The following DYNC2H1 variants were observed in gnomAD, a reference collection of about 807,000 sequenced individuals.
DYNC2H1 encodes the protein cytoplasmic dynein 2 heavy chain 1.
In DYNC2H1, 410 loss-of-function variants were observed where a neutral mutation model predicts 570.0. The ratio of observed to expected loss-of-function variants is 0.72; its 90% CI spans 0.66 to 0.78. DYNC2H1 has a LOEUF of 0.78. Ranked by LOEUF, DYNC2H1 falls within the 30% of genes least tolerant of loss-of-function variation. The probability of loss-of-function intolerance (pLI) is 0.00; values close to 1 mark genes in which losing one functional copy is unlikely to be tolerated. For synonymous variants in DYNC2H1, 1,688 were observed against 1,677.6 expected (o/e 1.01, Z -0.15); for missense variants, 4,865 against 5,046.4 (o/e 0.96, Z 1.09).
rs1285134973 is a variant in DYNC2H1, at chr11:103,363,729, C to T, written c.12156+5370C>T. Among the ~76,000 whole-genome samples, 2 of 152,176 alleles carry T rather than the reference C, an allele frequency of 1.3e-5. No individual in the cohort carries two copies. The highest frequency in any genetic ancestry group is 4.8e-5 in the African/African-American group (2 of 41,452). On this transcript the variant is annotated intron_variant, in intron 83 of 88. Transcript: ENST00000375735. The surrounding 1 kb of genome is among the most constrained non-coding windows in gnomAD (Gnocchi z 5.6). ...GAAAATATAAATTAAGTCTACATTA[C>T]TGATTGTGACTAATAATTTAAGGCA...
At position 103,446,459 on chromosome 11, in the gene DYNC2H1, T is replaced by C. The variant is rs1411537150; in HGVS notation, c.12457-8727T>C. Among the ~76,000 whole-genome samples the C allele has an allele frequency of 1.3e-5, 2 of 152,224 alleles. No individual in the cohort carries two copies. The highest frequency in any genetic ancestry group is 2.9e-5 in the Non-Finnish European group (2 of 68,046). On this transcript the variant is annotated intron_variant, in intron 85 of 88. Coordinates refer to ENST00000375735, the MANE Select transcript of DYNC2H1 (RefSeq NM_001377.3). This position sits in a 1 kb window ranked among gnomAD's most constrained non-coding sequence, Gnocchi z 4.5. ...TGTAAGTGAGGTTAGAGAAAAATCATGTTTGGCAACATGGAAGACGTTGGT... is the reference window on the plus strand; with the variant it reads ...TGTAAGTGAGGTTAGAGAAAAATCACGTTTGGCAACATGGAAGACGTTGGT...
chr11:103,213,636 AAAATC>A (rs1863249530), intron 54 of DYNC2H1, among the ~76,000 whole-genome samples: 3 of 152,116 alleles, frequency 2.0e-5, no homozygotes, highest in Admixed American at 2.0e-4. Context: ...TTAAAAAAAA[AAAATC>A]TATTCAGATC....
chr11:103,272,331 C>A (rs1286348371), intron 70 of DYNC2H1, among the ~76,000 whole-genome samples: 3 of 152,078 alleles, frequency 2.0e-5, no homozygotes, highest in Non-Finnish European at 2.9e-5. Context: ...GGACAAAAAA[C>A]CAAACACTGC....
chr11:103,125,942 T>C (rs1269831552), intron 12 of DYNC2H1, among the ~76,000 whole-genome samples: 1 of 152,242 alleles, frequency 6.6e-6, no homozygotes, highest in East Asian at 1.9e-4. Flanking sequence ...TTGTTTAATT[T>C]CCAATTCACA....
At chr11:103,428,205 A>G (rs1450393725) in intron 84 of DYNC2H1, among the ~76,000 whole-genome samples, 2 of 117,814 alleles carry the variant, frequency 1.7e-5, no homozygotes, top group Non-Finnish European at 3.6e-5. Context: ...TTTTTTCAGA[A>G]TATCTGAAAG....
rs1859420966 is a variant in DYNC2H1 at position 103,134,219 on chromosome 11, A to AC, written c.2107-101dup. On this transcript the variant is annotated intron_variant, in intron 14 of 88. Coordinates refer to ENST00000375735, the MANE Select transcript of DYNC2H1 (RefSeq NM_001377.3). Reference sequence around the variant, plus strand: ...ATATGTCTTGTATAGATTAAGTTAAACTTGATCACTTGGTTAAGGTGGTAT... The same window carrying AC: ...ATATGTCTTGTATAGATTAAGTTAAACCTTGATCACTTGGTTAAGGTGGTAT... 3 of 964,770 alleles carry AC rather than the reference A, an allele frequency of 3.1e-6. No individual in the cohort carries two copies. The East Asian group carries it at 7.5e-5, about 24-fold the overall frequency. 59.8% of individuals were successfully genotyped at this position (964,770 alleles called of 1,614,324 possible).
intron 85 of DYNC2H1, among the ~76,000 whole-genome samples, chr11:103,452,984 T>G (rs1220355389): frequency 6.6e-6 from 1 of 152,052 alleles, no homozygotes; most frequent in Non-Finnish European, 1.5e-5. Flanking sequence ...GTTTAGAAGT[T>G]TTACTGCCTG....
At chr11:103,399,923 C>A in intron 84 of DYNC2H1, 51 bp downstream of exon 84, 2 of 1,429,274 alleles carry the variant, frequency 1.4e-6, no homozygotes, top group Non-Finnish European at 2.0e-6. Flanking sequence ...ATAAGTGACT[C>A]CTCCATCACA....
rs1002798212 is a variant in DYNC2H1 at position 103,189,414 on chromosome 11, A to G, written c.7293-258A>G. Among the ~76,000 whole-genome samples, 1 of 152,136 alleles carries G rather than the reference A, an allele frequency of 6.6e-6. No homozygotes were observed. Among genetic ancestry groups the G allele is most frequent in the Non-Finnish European group, 1.5e-5 (1 of 68,022 alleles). Reference sequence around the variant, plus strand: ...TTCCTTTTGGTCTTTTCTGAAGATCAGTGATATGTTTTAACATAATTTCTT... The same window carrying G: ...TTCCTTTTGGTCTTTTCTGAAGATCGGTGATATGTTTTAACATAATTTCTT... On this transcript the variant is annotated intron_variant, in intron 44 of 88. Coordinates refer to ENST00000375735, the MANE Select transcript of DYNC2H1 (RefSeq NM_001377.3). This position sits in a 1 kb window ranked among gnomAD's most constrained non-coding sequence, Gnocchi z 4.3.
chr11:103,461,556 C>CA lies in DYNC2H1; in HGVS notation c.12648+5202dup, dbSNP rs1416273852. Among the ~76,000 whole-genome samples, 2 of 152,132 alleles carry CA rather than the reference C, an allele frequency of 1.3e-5. No individual in the cohort carries two copies. The highest frequency in any genetic ancestry group is 4.8e-5 in the African/African-American group (2 of 41,408). Reference sequence around the variant, plus strand: ...TCAGCCTACATTTTACATCTTCCTCCAAGGCTGAGAGAGGATTGCCCTAGC... The same window carrying CA: ...TCAGCCTACATTTTACATCTTCCTCCAAAGGCTGAGAGAGGATTGCCCTAGC... On this transcript the variant is annotated intron_variant, in intron 87 of 88. Transcript: ENST00000375735. This position sits in a 1 kb window ranked among gnomAD's most constrained non-coding sequence, Gnocchi z 4.8.
intron 84 of DYNC2H1, among the ~76,000 whole-genome samples, chr11:103,431,215 TAAAAAAA>T (rs10645288): frequency 7.2e-6 from 1 of 138,482 alleles, no homozygotes; most frequent in Non-Finnish European, 1.6e-5. Flanking sequence ...TCATTTAGTT[TAAAAAAA>T]AAAAAAAAAA....
intron 87 of DYNC2H1, among the ~76,000 whole-genome samples, chr11:103,464,124 A>T (rs1003378935): frequency 3.3e-5 from 5 of 152,258 alleles, no homozygotes; most frequent in Non-Finnish European, 5.9e-5. Flanking sequence ...TGTTAATTTT[A>T]TAGAAAAATC....
chr11:103,273,085 AC>A (rs1478336606), intron 70 of DYNC2H1, among the ~76,000 whole-genome samples: 2 of 151,624 alleles, frequency 1.3e-5, no homozygotes, highest in Non-Finnish European at 2.9e-5. Flanking sequence ...TAAAAAAAAA[AC>A]TATTCAGAAA....
In DYNC2H1 at chr11:103,452,619, TA is replaced by T. The variant is rs1944648599; in HGVS notation, c.12457-2566del. On this transcript the variant is annotated intron_variant, in intron 85 of 88. Transcript: ENST00000375735. Reference sequence around the variant, plus strand: ...CCTATGTAAAAATGATACCTGCTTGTATTACAATTTACTGATAAGTTACCTA... The same window carrying T: ...CCTATGTAAAAATGATACCTGCTTGTTTACAATTTACTGATAAGTTACCTA... Among the ~76,000 whole-genome samples, 3 of 140,712 alleles carry T rather than the reference TA, an allele frequency of 2.1e-5. No individual in the cohort carries two copies. The South Asian group carries it at 7.0e-4, about 33-fold the overall frequency. 92.3% of individuals were successfully genotyped at this position (140,712 alleles called of 152,430 possible).
At chr11:103,408,085 A>T (rs1942936510) in intron 84 of DYNC2H1, 1 of 151,974 alleles carries the variant, frequency 6.6e-6, no homozygotes, top group Non-Finnish European at 1.5e-5. Context: ...CTTTATTTAA[A>T]ATTAATAAGA....
chr11:103,177,846 C>T lies in DYNC2H1; in HGVS notation c.6139+26C>T, dbSNP rs1565370349. On this transcript the variant is annotated intron_variant, in intron 38 of 88. Transcript: ENST00000375735. The surrounding 1 kb of genome is among the most constrained non-coding windows in gnomAD (Gnocchi z 4.4). ...GTTAGTCTCTATGTATACTTCTTTG[C>T]TTTACTTAGTAATTCTTAGATAATG... 5 of 1,572,038 alleles carry T rather than the reference C, an allele frequency of 3.2e-6. No individual in the cohort carries two copies. Among genetic ancestry groups the T allele is most frequent in the Non-Finnish European group, 3.4e-6 (4 of 1,167,414 alleles).
At position 103,245,288 on chromosome 11, in the gene DYNC2H1, G is replaced by A. The variant is rs746636010; in HGVS notation, c.9956G>A (p.Arg3319His). 1.5e-5 allele frequency: 23 copies of A among 1,553,108 alleles called. No individual in the cohort carries two copies. Among genetic ancestry groups the A allele is most frequent in the South Asian group, 6.0e-5 (5 of 83,638 alleles). ...NFITALELAV[R>H]FGKTLIIQEM... ...ATCACAGCTCTTGAATTAGCAGTAC[G>A]TTTTGGGAAAACCCTTATTATACAA... is the stretch of plus-strand genomic sequence containing the variant. Residue 3319 changes from arginine to histidine, a missense_variant, in exon 65 of 89, where the codon CGT becomes CAT. Coordinates refer to ENST00000375735, the MANE Select transcript of DYNC2H1 (RefSeq NM_001377.3). The surrounding 1 kb of genome is among the most constrained non-coding windows in gnomAD (Gnocchi z 4.5).
chr11:103,398,833 G>A (rs1033492747), intron 83 of DYNC2H1, among the ~76,000 whole-genome samples: 1 of 151,938 alleles, frequency 6.6e-6, no homozygotes, highest in African/African-American at 2.4e-5. Flanking sequence ...CACAGGCCTT[G>A]TTAAAGCATA....
intron 82 of DYNC2H1, among the ~76,000 whole-genome samples, chr11:103,357,256 GT>G (rs1332168449): frequency 1.1e-4 from 16 of 151,984 alleles, no homozygotes; most frequent in African/African-American, 3.9e-4. Context: ...GAGTGAATTG[GT>G]TTTGATGAGA....
Sources: gnomAD v4.1 joint callset for allele counts (sites outside exome capture counted in the v4.1 genomes callset) on GRCh38, gnomAD v4.1.1 for gene constraint, Gnocchi (gnomAD v3.1) non-coding constraint, MANE v1.5 for transcripts, NCBI Gene and HGNC (gene_info 2026-07-23, HGNC 2026-07-21) for gene names.